Variants in SMAP2 observed in about 807,000 individuals in gnomAD.
SMAP2 encodes stromal membrane-associated protein 2.
A neutral mutation model predicts 56.4 loss-of-function variants in SMAP2; 25 were observed. The observed-to-expected ratio is 0.44, with a 90% CI of 0.32 to 0.62. The LOEUF (loss-of-function observed/expected upper bound fraction) is 0.62, where lower values mean the gene tolerates loss of function less well. SMAP2 is among the 20% of genes least tolerant of loss of function. The pLI, the probability that SMAP2 is intolerant of heterozygous loss-of-function variation, is 0.04. For synonymous variants in SMAP2, 157 were observed against 181.7 expected (o/e 0.86, Z 1.09); for missense variants, 388 against 545.6 (o/e 0.71, Z 2.88).
Position 40,405,045 on chromosome 1 carries a change from T to C in SMAP2, c.104-1691T>C, listed in dbSNP as rs560995251. On this transcript the variant is annotated intron_variant, in intron 1 of 9. Coordinates refer to ENST00000372718, the MANE Select transcript of SMAP2 (RefSeq NM_022733.3). The stretch of plus-strand genomic sequence containing the variant: ...CCACCTGGTGGTAATAAGGAGAATG[T>C]GAGCCTTCTGTTGCAGTATTTGCGA... Among the ~76,000 whole-genome samples the C allele has an allele frequency of 8.5e-5, 13 of 152,364 alleles. No homozygotes were observed. The South Asian group carries it at 1.9e-3, about 22-fold the overall frequency.
chr1:40,394,095 G>T (rs1467570608), intron 1 of SMAP2, among the ~76,000 whole-genome samples: 1 of 152,020 alleles, frequency 6.6e-6, no homozygotes, highest in African/African-American at 2.4e-5. Context: ...TTGTTTTCAA[G>T]AATTTTTTCC....
At position 40,416,788 on chromosome 1, in the gene SMAP2, A is replaced by G. The variant is rs1644991697; in HGVS notation, c.856A>G (p.Met286Val). 6.3e-7 allele frequency: 1 copy of G among 1,596,716 alleles called. No homozygotes were observed. Among genetic ancestry groups the G allele is most frequent in the African/African-American group, 1.3e-5 (1 of 74,602 alleles). ...GTGTGTTTTCTTGGCAGCAATGTTC[A>G]TGGCTCCCGCTCAGATGGCATATCC... ...TPQMPTQAMF[M>V]APAQMAYPTA... Residue 286 changes from methionine to valine, a missense_variant, in exon 9 of 10, where the codon ATG becomes GTG. By Grantham distance (21) the Met-to-Val change is conservative. Coordinates refer to ENST00000372718, the MANE Select transcript of SMAP2 (RefSeq NM_022733.3).
chr1:40,362,538 C>G (rs1257290547), intron 2 of SMAP2: 1 of 152,060 alleles, frequency 6.6e-6, no homozygotes, highest in East Asian at 1.9e-4. Context: ...ATTTTGGAGG[C>G]AAAGTTTCAT....
At chr1:40,406,684 G>A (rs2935889) in intron 1 of SMAP2, 52 bp from the exon 2 acceptor site, 179,204 of 1,556,000 alleles carry the variant, frequency 0.12, 11,554 homozygotes, top group African/African-American at 0.26. Context: ...TTGTAGTTTA[G>A]GCCTTGAATG....
chr1:40,351,463 T>TA (rs1644408570), intron 1 of SMAP2, among the ~76,000 whole-genome samples: 1 of 152,184 alleles, frequency 6.6e-6, no homozygotes, highest in Non-Finnish European at 1.5e-5. Flanking sequence ...ATACAATGAT[T>TA]AACTCCTTGA....
Position 40,413,843 on chromosome 1 carries a change from C to G in SMAP2, c.490-316C>G, listed in dbSNP as rs72950034. Reference sequence around the variant, plus strand: ...ATCAGATACCTACCTTTATTCTTGGCTTTTCCTGGGACCAAAAACTGCTGC... The same window carrying G: ...ATCAGATACCTACCTTTATTCTTGGGTTTTCCTGGGACCAAAAACTGCTGC... On this transcript the variant is annotated intron_variant, in intron 5 of 9. Transcript: ENST00000372718. 1.6e-3 allele frequency: 431 copies of G among 271,270 alleles called. 1 individual carries two copies. Among genetic ancestry groups the G allele is most frequent in the African/African-American group, 8.3e-3 (370 of 44,318 alleles). The allele number at this position is 271,270 out of a possible 1,614,324, so 16.8% of individuals were successfully genotyped here.
chr1:40,398,006 A>C (rs1644788877), intron 1 of SMAP2, among the ~76,000 whole-genome samples: 1 of 152,154 alleles, frequency 6.6e-6, no homozygotes, highest in Non-Finnish European at 1.5e-5. Flanking sequence ...AGGAGTTTCA[A>C]CTTACCCTGC....
intron 1 of SMAP2, among the ~76,000 whole-genome samples, chr1:40,361,625 C>T (rs1440808270): frequency 6.6e-6 from 1 of 152,240 alleles, no homozygotes; most frequent in Non-Finnish European, 1.5e-5. Flanking sequence ...TCCCACACCT[C>T]GCAGCATTCA....
chr1:40,370,753 G>T (rs1462279651), upstream of SMAP2, among the ~76,000 whole-genome samples: 1 of 132,374 alleles, frequency 7.6e-6, no homozygotes, highest in East Asian at 2.2e-4. Context: ...TATACCTAAT[G>T]CTAGATGACG....
intron 1 of SMAP2, chr1:40,396,723 T>G (rs1644775488): frequency 4.2e-6 from 2 of 473,610 alleles, no homozygotes; most frequent in South Asian, 9.1e-5. Flanking sequence ...TTTATTGTTA[T>G]TTTGGAATAA....
Position 40,374,878 on chromosome 1 carries a change from T to C in SMAP2, c.103+655T>C. 2.0e-6 allele frequency: 2 copies of C among 985,372 alleles called. No homozygotes were observed. Among genetic ancestry groups the C allele is most frequent in the Non-Finnish European group, 2.4e-6 (2 of 829,920 alleles). 61.0% of individuals were successfully genotyped at this position (985,372 alleles called of 1,614,324 possible). On this transcript the variant is annotated intron_variant, in intron 1 of 9. Transcript: ENST00000372718. The surrounding 1 kb of genome is among the most constrained non-coding windows in gnomAD (Gnocchi z 5.9). ...TTCTAGGCAGTGTAGCCCTGGCTTG[T>C]AGAGTGCGTTGGAGGCCTATGTATG... is the stretch of plus-strand genomic sequence containing the variant.
At chr1:40,378,008 T>C (rs1644558062) in intron 1 of SMAP2, among the ~76,000 whole-genome samples, 2 of 152,190 alleles carry the variant, frequency 1.3e-5, no homozygotes, top group African/African-American at 4.8e-5. Flanking sequence ...TCTAATACAA[T>C]GTTAATGCTA....
chr1:40,413,200 A>G lies in SMAP2; in HGVS notation c.489+98A>G. 7 of 881,504 alleles carry G rather than the reference A, an allele frequency of 7.9e-6. No homozygotes were observed. The South Asian group carries it at 8.2e-5, about 10-fold the overall frequency. The allele number at this position is 881,504 out of a possible 1,614,324, so 54.6% of individuals were successfully genotyped here. On this transcript the variant is annotated intron_variant, in intron 5 of 9. Transcript: ENST00000372718. ...GTCTCGTGGTGAGTACCATTGCACCATCACAGCTGGGGCTAAAGGGTTCTG... is the reference window on the plus strand; with the variant it reads ...GTCTCGTGGTGAGTACCATTGCACCGTCACAGCTGGGGCTAAAGGGTTCTG...
At chr1:40,399,188 A>G (rs530006826) in intron 1 of SMAP2, among the ~76,000 whole-genome samples, 3 of 151,910 alleles carry the variant, frequency 2.0e-5, no homozygotes, top group African/African-American at 7.2e-5. Flanking sequence ...TCTGTTGCCC[A>G]GGCTGGAGTG....
intron 1 of SMAP2, among the ~76,000 whole-genome samples, chr1:40,381,541 T>TTGTG (rs150281874): frequency 6.6e-6 from 1 of 151,230 alleles, no homozygotes. Flanking sequence ...GTGCACTGTT[T>TTGTG]TGTGTGTGTG....
intron 1 of SMAP2, among the ~76,000 whole-genome samples, chr1:40,378,204 A>G (rs2124216138): frequency 6.6e-6 from 1 of 152,218 alleles, no homozygotes; most frequent in Admixed American, 6.5e-5. Flanking sequence ...AGCTCACTGT[A>G]GCCTCAGACT....
At chr1:40,395,841 T>C (rs535305465) in intron 1 of SMAP2, among the ~76,000 whole-genome samples, 4 of 152,370 alleles carry the variant, frequency 2.6e-5, no homozygotes, top group African/African-American at 9.6e-5. Context: ...TTACAGGCTT[T>C]AATGTTTTTT....
intron 5 of SMAP2, among the ~76,000 whole-genome samples, chr1:40,413,796 G>A (rs556696904): frequency 1.3e-5 from 2 of 152,252 alleles, no homozygotes; most frequent in Non-Finnish European, 1.5e-5. Flanking sequence ...TGGGAGATTT[G>A]TTGGCTCTTG....
At chr1:40,356,466 A>AGTGGC (rs1436353705) in intron 1 of SMAP2, among the ~76,000 whole-genome samples, 1 of 146,672 alleles carries the variant, frequency 6.8e-6, no homozygotes, top group East Asian at 2.0e-4. Flanking sequence ...GCTGGAGTGC[A>AGTGGC]GTGGCGTGAT....
Sources: allele counts gnomAD v4.1 joint callset (sites outside exome capture counted in the v4.1 genomes callset), GRCh38; gene constraint gnomAD v4.1.1; non-coding constraint Gnocchi (gnomAD v3.1); transcripts MANE v1.5; gene names NCBI Gene and HGNC (gene_info 2026-07-23, HGNC 2026-07-21).